The following TJP1 variants were observed in gnomAD, a reference collection of about 807,000 sequenced individuals.
The protein encoded by TJP1 is tight junction protein 1.
A neutral mutation model predicts 194.2 loss-of-function variants in TJP1; 43 were observed. The observed-to-expected ratio is 0.22, with a 90% confidence interval of 0.17 to 0.29. TJP1 has a LOEUF of 0.29. Among genes scored for constraint, TJP1 ranks in the 10% least tolerant of loss-of-function variants. TJP1 has a pLI of 1.00. For missense variants in TJP1, 1,971 were observed against 2,185.7 expected (o/e 0.90, Z 1.96); for synonymous variants, 801 against 779.0 (o/e 1.03, Z -0.47).
At chr15:29,962,447 C>T (rs1208154662) in intron 1 of TJP1, among the ~76,000 whole-genome samples, 1 of 152,230 alleles carries the variant, frequency 6.6e-6, no homozygotes, top group African/African-American at 2.4e-5. Context: ...AAAAACAAAG[C>T]AGTCACACAA....
At chr15:29,935,229 T>C (rs1169022038) in intron 2 of TJP1, among the ~76,000 whole-genome samples, 1 of 152,218 alleles carries the variant, frequency 6.6e-6, no homozygotes, top group African/African-American at 2.4e-5. Flanking sequence ...ACAGAACATC[T>C]TTTTCTTTCA....
Position 29,737,674 on chromosome 15 carries a change from T to G in TJP1, c.1257-260A>C, listed in dbSNP as rs148140479. On this transcript the variant is annotated intron_variant, in intron 10 of 27. Transcript: ENST00000614355. ...ACATAACTAATTTATAAAATTACTT[T>G]GTAAAACAATGTTTTCTCAACTCTC... is the stretch of plus-strand genomic sequence containing the variant. Among the ~76,000 whole-genome samples, 121 of 152,354 alleles carry G rather than the reference T, an allele frequency of 7.9e-4. 1 individual carries two copies. The East Asian group carries it at 0.021, about 26-fold the overall frequency.
Position 29,708,836 on chromosome 15 carries a change from T to A in TJP1, c.4573A>T (p.Asn1525Tyr), listed in dbSNP as rs200206803. ...GTATATGGTTTTGGTGTGAATCGAT[T>A]GTATGCTGGAGTGACTGTTTTCTGA... Reference protein sequence around the residue: ...QTQKTVTPAYNRFTPKPYTSS... With the variant: ...QTQKTVTPAYYRFTPKPYTSS... Residue 1525 changes from asparagine (N) to tyrosine (Y), a missense_variant, in exon 25 of 28, where the codon AAT (asparagine) becomes TAT (tyrosine). Physicochemically the swap from Asn to Tyr is moderately radical, Grantham distance 143 (BLOSUM62 -2). Coordinates refer to ENST00000614355, the MANE Select transcript of TJP1 (RefSeq NM_001330239.4). The A allele has an allele frequency of 6.2e-7, 1 of 1,614,208 alleles. No homozygotes were observed. The highest frequency in any genetic ancestry group is 8.5e-7 in the Non-Finnish European group (1 of 1,180,024).
At chr15:29,719,695 A>G in intron 20 of TJP1, 82 bp downstream of exon 20, 1 of 1,529,486 alleles carries the variant, frequency 6.5e-7, no homozygotes, top group Non-Finnish European at 8.8e-7. Flanking sequence ...AGCAAAAGGA[A>G]CACTTAAAGG....
chr15:29,741,434 G>T lies in TJP1; in HGVS notation c.1153C>A (p.Pro385Thr). 6.2e-7 allele frequency: 1 copy of T among 1,603,008 alleles called. No homozygotes were observed. The highest frequency in any genetic ancestry group is 1.3e-5 in the African/African-American group (1 of 74,176). Residue 385 changes from proline to threonine, a missense_variant and splice_region_variant, in exon 10 of 28, where the codon CCA becomes ACA. Around this residue, in one of 5 missense-constraint regions of TJP1, gnomAD observed 192 missense variants for 182.3 expected, o/e 1.05. Coordinates refer to ENST00000614355, the MANE Select transcript of TJP1 (RefSeq NM_001330239.4). ...NEKQTPSLPE[P>T]KPVYAQVGQP... ...CCAACTTGGGCATACACAGGCTTTGGTTCTAAGAAAAAAAAAATTGAGTAG... is the reference window on the plus strand; with the variant it reads ...CCAACTTGGGCATACACAGGCTTTGTTTCTAAGAAAAAAAAAATTGAGTAG...
At chr15:29,933,413 A>T (rs1290596059) in intron 2 of TJP1, among the ~76,000 whole-genome samples, 2 of 152,200 alleles carry the variant, frequency 1.3e-5, no homozygotes, top group Non-Finnish European at 2.9e-5. Flanking sequence ...AAAAAAGAGA[A>T]AGTACAATTA....
At chr15:29,770,250 C>T (rs2046571854) in intron 4 of TJP1, among the ~76,000 whole-genome samples, 1 of 151,934 alleles carries the variant, frequency 6.6e-6, no homozygotes, top group African/African-American at 2.4e-5. Flanking sequence ...AGTTCAATAC[C>T]AGCCTGGCTA....
At chr15:29,803,993 A>G (rs1218203598) in intron 1 of TJP1, among the ~76,000 whole-genome samples, 1 of 151,956 alleles carries the variant, frequency 6.6e-6, no homozygotes, top group African/African-American at 2.4e-5. Flanking sequence ...AATCCATAAT[A>G]TAAGTGAGTT....
intron 1 of TJP1, among the ~76,000 whole-genome samples, chr15:29,810,935 C>G (rs1309048385): frequency 6.6e-6 from 1 of 152,134 alleles, no homozygotes; most frequent in African/African-American, 2.4e-5. Flanking sequence ...ACTAGTATGA[C>G]CTTTGTTCTC....
chr15:29,836,274 C>CT (rs1301707709), intron 2 of TJP1, among the ~76,000 whole-genome samples: 2,276 of 143,468 alleles, frequency 0.016, 20 homozygotes, highest in African/African-American at 0.02. Context: ...GGATGATCAA[C>CT]TTTTTTTTTT....
At position 29,962,268 on chromosome 15, in the gene TJP1, G is replaced by C. The variant is rs550965608; in HGVS notation, c.174-5904C>G. Among the ~76,000 whole-genome samples, 10 of 152,296 alleles carry C rather than the reference G, an allele frequency of 6.6e-5. No individual in the cohort carries two copies. The South Asian group carries it at 2.1e-3, about 32-fold the overall frequency. On this transcript the variant is annotated intron_variant, in intron 1 of 28. Coordinates refer to the TJP1 transcript ENST00000356107. ...CTTGAAAGCCCAATGTTCCCAGGAA[G>C]CCTCAGATATTCATGCCTTTTGTTT...
At chr15:29,855,735 A>G (rs1324502965) in intron 2 of TJP1, among the ~76,000 whole-genome samples, 1 of 152,108 alleles carries the variant, frequency 6.6e-6, no homozygotes, top group Non-Finnish European at 1.5e-5. Context: ...ACGCGCCTGT[A>G]ATCCCAGTTA....
chr15:29,891,506 A>G (rs1371108704), intron 2 of TJP1, among the ~76,000 whole-genome samples: 1 of 152,186 alleles, frequency 6.6e-6, no homozygotes, highest in Non-Finnish European at 1.5e-5. Flanking sequence ...CTTTGCAGAT[A>G]TTGACTTTTT....
At chr15:29,820,112 A>G (rs1418387734) in intron 1 of TJP1, among the ~76,000 whole-genome samples, 3 of 152,176 alleles carry the variant, frequency 2.0e-5, no homozygotes, top group Admixed American at 6.5e-5. Flanking sequence ...GAGTTTCCCA[A>G]ACTATCATGC....
At chr15:29,851,089 G>A (rs985700360) in intron 2 of TJP1, among the ~76,000 whole-genome samples, 1 of 152,140 alleles carries the variant, frequency 6.6e-6, no homozygotes, top group Non-Finnish European at 1.5e-5. Flanking sequence ...AGTGAGCCAA[G>A]ACTGTGCCAC....
At chr15:29,794,445 T>C (rs2048283551) in intron 2 of TJP1, among the ~76,000 whole-genome samples, 1 of 152,196 alleles carries the variant, frequency 6.6e-6, no homozygotes, top group Non-Finnish European at 1.5e-5. Flanking sequence ...GAACCTACAT[T>C]AATCATCTAA....
chr15:29,845,044 G>A (rs187543165), intron 2 of TJP1, among the ~76,000 whole-genome samples: 1 of 152,146 alleles, frequency 6.6e-6, no homozygotes, highest in African/African-American at 2.4e-5. Flanking sequence ...ACCGTGACCT[G>A]TGTCAAATGC....
At chr15:29,765,701 G>A (rs1468988443) in intron 5 of TJP1, among the ~76,000 whole-genome samples, 1 of 152,040 alleles carries the variant, frequency 6.6e-6, no homozygotes, top group East Asian at 1.9e-4. Context: ...GAACAGCTTG[G>A]GCAACACGGC....
exon 1 of TJP1, chr15:29,968,832 C>T (rs2056422213): frequency 2.0e-6 from 2 of 1,007,266 alleles, no homozygotes; most frequent in African/African-American, 1.7e-5. Flanking sequence ...CCCCTCCAGG[C>T]GCCGCATAGA....
Sources: allele counts gnomAD v4.1 joint callset (sites outside exome capture counted in the v4.1 genomes callset), GRCh38; gene constraint gnomAD v4.1.1; regional missense constraint gnomAD v4.1.1; transcripts MANE v1.5; gene names NCBI Gene and HGNC (gene_info 2026-07-23, HGNC 2026-07-21).